Variants in NRG3 observed in about 807,000 individuals in gnomAD.
NRG3 encodes the protein neuregulin 3, also known as pro-neuregulin-3, membrane-bound isoform.
NRG3 carries 31 observed loss-of-function variants against 66.9 expected under a neutral mutation model. The observed-to-expected ratio is 0.46, with a 90% CI of 0.35 to 0.63. The LOEUF is 0.63. NRG3 is among the 20% of genes least tolerant of loss of function. The probability of loss-of-function intolerance (pLI) is 0.00; values close to 1 mark genes in which losing one functional copy is unlikely to be tolerated. For missense variants in NRG3, 910 were observed against 878.9 expected (o/e 1.04, Z -0.45); for synonymous variants, 393 against 359.4 (o/e 1.09, Z -1.06).
intron 1 of NRG3, 107 bp from the exon 2 acceptor site, chr10:82,358,632 C>CAG (rs1312766034): frequency 1.3e-6 from 2 of 1,493,300 alleles, no homozygotes; most frequent in Admixed American, 1.7e-5. Flanking sequence ...TCCCAGAGGT[C>CAG]AGAGCCCATG....
intron 2 of NRG3, among the ~76,000 whole-genome samples, chr10:82,545,524 A>C (rs1590604525): frequency 6.6e-6 from 1 of 150,754 alleles, no homozygotes; most frequent in African/African-American, 2.4e-5. Context: ...TACTATAGGC[A>C]CCCGCCACCA....
At chr10:82,664,987 T>G (rs1206322862) in intron 2 of NRG3, among the ~76,000 whole-genome samples, 4 of 152,196 alleles carry the variant, frequency 2.6e-5, no homozygotes, top group African/African-American at 9.6e-5. Flanking sequence ...CTACAGCTCA[T>G]GATCCATATT....
At chr10:82,230,901 A>T (rs897811240) in intron 1 of NRG3, among the ~76,000 whole-genome samples, 2 of 152,234 alleles carry the variant, frequency 1.3e-5, no homozygotes, top group East Asian at 3.9e-4. Context: ...TAGCATAAAC[A>T]TGCAAAGGCA....
At chr10:82,110,012 AAAC>A (rs1410619479) in intron 1 of NRG3, among the ~76,000 whole-genome samples, 1 of 152,188 alleles carries the variant, frequency 6.6e-6, no homozygotes, top group Non-Finnish European at 1.5e-5. Flanking sequence ...AGCAGTGGTG[AAAC>A]AACAACAGTC....
intron 1 of NRG3, among the ~76,000 whole-genome samples, chr10:82,203,030 T>C (rs1392231491): frequency 3.9e-5 from 6 of 152,110 alleles, no homozygotes; most frequent in Non-Finnish European, 8.8e-5. Flanking sequence ...AATGTCAGGA[T>C]GAAGAAGTTG....
intron 1 of NRG3, among the ~76,000 whole-genome samples, chr10:82,122,146 G>C (rs1220376947): frequency 6.6e-6 from 1 of 152,136 alleles, no homozygotes; most frequent in East Asian, 1.9e-4. Context: ...CACGTATTTA[G>C]AATAGTGCCT....
chr10:82,952,185 C>A (rs189008824), intron 5 of NRG3, among the ~76,000 whole-genome samples: 2 of 152,198 alleles, frequency 1.3e-5, no homozygotes, highest in East Asian at 3.9e-4. Context: ...GTAATCCCAG[C>A]ACGTTGAGGG....
chr10:82,886,077 G>A (rs1382613540), intron 4 of NRG3, among the ~76,000 whole-genome samples: 1 of 151,938 alleles, frequency 6.6e-6, no homozygotes, highest in South Asian at 2.1e-4. Context: ...CGTTGGCCAG[G>A]CTGGTCTCGA....
At chr10:82,568,129 G>A (rs1387738174) in intron 2 of NRG3, among the ~76,000 whole-genome samples, 2 of 151,828 alleles carry the variant, frequency 1.3e-5, no homozygotes, top group Non-Finnish European at 2.9e-5. Flanking sequence ...AACGGATGCA[G>A]GCCATAGTTG....
rs575900137 is a variant in NRG3 at position 82,732,576 on chromosome 10, C to A, written c.954-6001C>A. On this transcript the variant is annotated intron_variant, in intron 2 of 8. Transcript: ENST00000372141. The stretch of plus-strand genomic sequence containing the variant: ...TAATATACTTAACCTTTCTCAATCT[C>A]TGTTTCTTCAGTTGAAAAGCTGGGA... Among the ~76,000 whole-genome samples the A allele has an allele frequency of 7.2e-5, 11 of 152,280 alleles. No individual in the cohort carries two copies. The South Asian group carries it at 1.2e-3, about 17-fold the overall frequency.
intron 1 of NRG3, among the ~76,000 whole-genome samples, chr10:82,349,926 C>T (rs1378003468): frequency 2.0e-5 from 3 of 152,248 alleles, no homozygotes; most frequent in African/African-American, 4.8e-5. Flanking sequence ...CTTCGGCTCG[C>T]GCACGGTGCG....
intron 2 of NRG3, among the ~76,000 whole-genome samples, chr10:82,540,058 C>T (rs540069299): frequency 1.3e-5 from 2 of 152,098 alleles, no homozygotes; most frequent in Admixed American, 6.5e-5. Context: ...TCCAATTTTG[C>T]TCTAAGAAGA....
At chr10:82,104,214 A>C (rs1263853101) in intron 1 of NRG3, among the ~76,000 whole-genome samples, 1 of 152,168 alleles carries the variant, frequency 6.6e-6, no homozygotes, top group Non-Finnish European at 1.5e-5. Flanking sequence ...TGGCAATAGC[A>C]GGCTTATAGC....
intron 2 of NRG3, among the ~76,000 whole-genome samples, chr10:82,695,044 A>G (rs1236107984): frequency 6.6e-6 from 1 of 152,154 alleles, no homozygotes; most frequent in Non-Finnish European, 1.5e-5. Context: ...ATAAAATAGA[A>G]TATTGTATAT....
chr10:82,823,401 C>T (rs1433113535), intron 3 of NRG3, among the ~76,000 whole-genome samples: 1 of 152,116 alleles, frequency 6.6e-6, no homozygotes, highest in Non-Finnish European at 1.5e-5. Flanking sequence ...GGGAACAAAT[C>T]CAAAGAAGCA....
chr10:82,528,753 TGGCTTTTTTCTATTAGTGA>T (rs888789465), intron 2 of NRG3, among the ~76,000 whole-genome samples: 1 of 152,186 alleles, frequency 6.6e-6, no homozygotes, highest in African/African-American at 2.4e-5. Context: ...AAAAGAAGAT[TGGCTTTTTTCTATTAGTGA>T]GTGTAAAAAA....
intron 3 of NRG3, among the ~76,000 whole-genome samples, chr10:82,768,068 C>T (rs575231267): frequency 6.6e-6 from 1 of 152,274 alleles, no homozygotes; most frequent in East Asian, 1.9e-4. Flanking sequence ...GTCACACTCT[C>T]TCAACAGATG....
intron 6 of NRG3, among the ~76,000 whole-genome samples, chr10:82,960,727 AC>A (rs1850559214): frequency 6.6e-6 from 1 of 152,048 alleles, no homozygotes; most frequent in South Asian, 2.1e-4. Context: ...CCTTGCCTTA[AC>A]TGGTGACATT....
At chr10:82,836,020 G>A (rs2135712191) in intron 3 of NRG3, among the ~76,000 whole-genome samples, 1 of 152,244 alleles carries the variant, frequency 6.6e-6, no homozygotes, top group East Asian at 1.9e-4. Context: ...TTGTATGGCT[G>A]ACAAGCTAAG....
Sources: gnomAD v4.1 joint callset for allele counts (sites outside exome capture counted in the v4.1 genomes callset) on GRCh38, gnomAD v4.1.1 for gene constraint, MANE v1.5 for transcripts, NCBI Gene and HGNC (gene_info 2026-07-23, HGNC 2026-07-21) for gene names.